The following DIAPH2 variants were observed in gnomAD, a reference collection of about 807,000 sequenced individuals.
DIAPH2 encodes protein diaphanous homolog 2.
In DIAPH2, 35 loss-of-function variants were observed where a neutral mutation model predicts 92.7. The ratio of observed to expected loss-of-function variants is 0.38; its 90% confidence interval spans 0.29 to 0.50. DIAPH2 has a LOEUF of 0.50. DIAPH2 is among the 20% of genes least tolerant of loss of function. The pLI, the probability that DIAPH2 is intolerant of heterozygous loss-of-function variation, is 0.94. For synonymous variants in DIAPH2, 301 were observed against 280.4 expected, an observed-to-expected ratio of 1.07 and a Z score of -0.73; for missense variants, 701 against 819.5, an observed-to-expected ratio of 0.86 and a Z score of 1.77.
intron 17 of DIAPH2, among the ~76,000 whole-genome samples, chrX:97,039,882 A>C (rs1263287025): frequency 9.0e-6 from 1 of 111,562 alleles, no homozygotes; most frequent in East Asian, 2.8e-4. Context: ...TAAAAATCTC[A>C]CCATGTAGAT....
chrX:96,900,593 C>A (rs1220289230), intron 5 of DIAPH2, among the ~76,000 whole-genome samples: 1 of 111,289 alleles, frequency 9.0e-6, no homozygotes, highest in Non-Finnish European at 1.9e-5. Context: ...TTGGGTTGGT[C>A]ATATATGGCT....
chrX:97,080,107 A>G lies in DIAPH2; in HGVS notation c.2247+4846A>G, dbSNP rs201556108. Among the ~76,000 whole-genome samples the G allele has an allele frequency of 1.5e-4, 16 of 109,281 alleles. No individual in the cohort carries two copies. In the East Asian group the frequency reaches 4.7e-3, roughly 32 times the overall value. The allele number at this position is 109,281 out of a possible 115,157, so 94.9% of individuals were successfully genotyped here. On this transcript the variant is annotated intron_variant, in intron 19 of 26. Coordinates refer to ENST00000324765, the MANE Select transcript of DIAPH2 (RefSeq NM_006729.5). ...TATCTATTGTTCTTCTTCCACTTGT[A>G]TTGTTTTTTGTTTGTTTGTTTGTTT...
chrX:96,773,275 A>T (rs2064352960), intron 4 of DIAPH2, among the ~76,000 whole-genome samples: 1 of 78,271 alleles, frequency 1.3e-5, no homozygotes, highest in African/African-American at 5.1e-5. Flanking sequence ...TGTATGTTGA[A>T]ACCCTAACAT....
chrX:96,820,374 G>A (rs1025691663), intron 4 of DIAPH2, among the ~76,000 whole-genome samples: 3 of 111,694 alleles, frequency 2.7e-5, no homozygotes, highest in Non-Finnish European at 5.6e-5. Flanking sequence ...GGGGACCGAG[G>A]TGGGGGGATT....
At chrX:96,885,174 G>A in intron 5 of DIAPH2, 1 of 869,419 alleles carries the variant, frequency 1.2e-6, no homozygotes, top group Non-Finnish European at 1.6e-6. Flanking sequence ...GACTTTTTAG[G>A]AAGTAGGACT....
At chrX:97,128,273 C>CA (rs1271671979) in intron 21 of DIAPH2, among the ~76,000 whole-genome samples, 8 of 111,088 alleles carry the variant, frequency 7.2e-5, no homozygotes, top group African/African-American at 2.0e-4. Context: ...ATTGCCATGA[C>CA]ATTTGTAAAT....
chrX:96,949,072 T>A, intron 15 of DIAPH2, 33 bp downstream of exon 15: 1 of 973,609 alleles, frequency 1.0e-6, no homozygotes, highest in Non-Finnish European at 1.4e-6. Context: ...TTGTGTCATG[T>A]CACAATGAGT....
intron 22 of DIAPH2, among the ~76,000 whole-genome samples, chrX:97,177,721 A>C (rs755943493): frequency 0.031 from 3,428 of 109,271 alleles, 144 homozygotes; most frequent in African/African-American, 0.11. Context: ...AAAAAAAAAA[A>C]AAAAACAAAA....
At chrX:97,085,634 C>T (rs962569447) in intron 19 of DIAPH2, among the ~76,000 whole-genome samples, 1 of 110,877 alleles carries the variant, frequency 9.0e-6, no homozygotes, top group Non-Finnish European at 1.9e-5. Context: ...CCAGGCTGGT[C>T]TCAAACTCCT....
intron 1 of DIAPH2, among the ~76,000 whole-genome samples, chrX:96,723,047 G>C (rs779394993): frequency 3.6e-5 from 4 of 111,786 alleles, no homozygotes; most frequent in South Asian, 7.5e-4. Flanking sequence ...TATTAATGGA[G>C]AGGGGAAGAA....
chrX:96,984,650 A>T (rs531779198), intron 17 of DIAPH2, among the ~76,000 whole-genome samples: 152 of 111,457 alleles, frequency 1.4e-3, no homozygotes, highest in African/African-American at 4.7e-3. Flanking sequence ...TATATATAAA[A>T]TGAATTAATT....
chrX:97,518,514 GTA>G (rs562766387), intron 26 of DIAPH2, among the ~76,000 whole-genome samples: 22 of 108,387 alleles, frequency 2.0e-4, no homozygotes, highest in South Asian at 1.6e-3. Flanking sequence ...GTGTATGTGT[GTA>G]TATATATATA....
At chrX:97,551,067 CGTT>C (rs753073702) in intron 26 of DIAPH2, among the ~76,000 whole-genome samples, 2 of 106,503 alleles carry the variant, frequency 1.9e-5, no homozygotes, top group Non-Finnish European at 1.9e-5. Flanking sequence ...CAAAGAGAAA[CGTT>C]GTTAGCCTAA....
At chrX:96,940,655 C>T (rs770920326) in intron 12 of DIAPH2, among the ~76,000 whole-genome samples, 2 of 111,777 alleles carry the variant, frequency 1.8e-5, no homozygotes, top group East Asian at 2.8e-4. Flanking sequence ...TGTTGGGCAT[C>T]GTGACATTAC....
intron 4 of DIAPH2, among the ~76,000 whole-genome samples, chrX:96,792,314 A>G (rs914985562): frequency 2.7e-5 from 3 of 111,478 alleles, no homozygotes; most frequent in African/African-American, 9.8e-5. Context: ...CCTCCTGAAC[A>G]AGAATGCATG....
intron 12 of DIAPH2, 31 bp downstream of exon 12, chrX:96,939,413 A>G: frequency 1.6e-6 from 1 of 641,059 alleles, no homozygotes; most frequent in Non-Finnish European, 2.4e-6. Flanking sequence ...TACTATATTT[A>G]TAATTTGAAT....
chrX:97,312,813 A>G (rs2068807929), intron 23 of DIAPH2, among the ~76,000 whole-genome samples: 1 of 111,320 alleles, frequency 9.0e-6, no homozygotes, highest in South Asian at 3.8e-4. Context: ...ATTAACTGAG[A>G]CAATGGAGAG....
intron 17 of DIAPH2, among the ~76,000 whole-genome samples, chrX:96,993,754 A>G (rs1170241214): frequency 1.8e-5 from 2 of 112,342 alleles, no homozygotes; most frequent in Non-Finnish European, 3.8e-5. Context: ...ACTTCTATAA[A>G]GAGGCATGGA....
chrX:96,782,665 C>A (rs1168482958), intron 4 of DIAPH2, among the ~76,000 whole-genome samples: 1 of 111,304 alleles, frequency 9.0e-6, no homozygotes, highest in Non-Finnish European at 1.9e-5. Context: ...AACTCCTGGG[C>A]TCAAGCGATC....
Sources: allele counts gnomAD v4.1 joint callset (sites outside exome capture counted in the v4.1 genomes callset), GRCh38; gene constraint gnomAD v4.1.1; transcripts MANE v1.5; gene names NCBI Gene and HGNC (gene_info 2026-07-23, HGNC 2026-07-21).